Variants in ENTPD5 observed in about 807,000 individuals in gnomAD.
ENTPD5 encodes nucleoside diphosphate phosphatase ENTPD5.
Under a neutral mutation model 60.2 loss-of-function variants are expected in ENTPD5, and 49 were observed. The observed-to-expected ratio is 0.81, with a 90% CI of 0.65 to 1.03. ENTPD5 has a LOEUF of 1.03. Among genes scored for constraint, ENTPD5 ranks in the 50% least tolerant of loss-of-function variants. ENTPD5 has a pLI of 0.00. For missense variants in ENTPD5, 480 were observed against 507.6 expected, an observed-to-expected ratio of 0.95 and a Z score of 0.52; for synonymous variants, 187 against 185.4, an observed-to-expected ratio of 1.01 and a Z score of -0.07.
rs1240455486 is a variant in ENTPD5, at chr14:73,973,963, GT to G, written c.799del (p.Thr267LeufsTer20). 1 of 1,614,148 alleles carries G rather than the reference GT, an allele frequency of 6.2e-7. No individual in the cohort carries two copies. The highest frequency in any genetic ancestry group is 1.1e-5 in the South Asian group (1 of 91,086). ...TCTCGGTAAACAGGCACTCCGGAAA[GT>G]GTGCCCATCAGTCCCTGAAAGAATC... is the stretch of plus-strand genomic sequence containing the variant. ...ALETEGTDGH[T>X]FRSACLPRWL... On this transcript the variant is annotated frameshift_variant, in exon 12 of 16. Coordinates refer to ENST00000334696, the MANE Select transcript of ENTPD5 (RefSeq NM_001249.5). LOFTEE classifies it high-confidence loss of function.
chr14:73,955,379 C>T (rs1227768382), downstream of ENTPD5: 1 of 1,114,136 alleles, frequency 9.0e-7, no homozygotes, highest in African/African-American at 1.5e-5. Context: ...TCTTACGTAA[C>T]AGGATGGAGG....
In ENTPD5 at chr14:73,963,260, A is replaced by C. The variant is rs2056837209; in HGVS notation, c.*3668T>G. 8.9e-6 allele frequency: 5 copies of C among 562,360 alleles called. No homozygotes were observed. In the South Asian group the frequency reaches 1.3e-4, roughly 15 times the overall value. The allele number at this position is 562,360 out of a possible 1,614,324, so 34.8% of individuals were successfully genotyped here. A position where few individuals can be genotyped will look rare whatever the true frequency, so the allele number is the denominator to read the frequency against. On this transcript the variant is annotated 3_prime_UTR_variant, in exon 16 of 16. Transcript: ENST00000334696. ...TTGAAAAGAGCTTTTTATTACTAAA[A>C]AACCCACAAGGTGCTGTCTCACTCA...
At chr14:73,976,274 G>A in intron 9 of ENTPD5, 50 bp downstream of exon 9, 1 of 1,517,120 alleles carries the variant, frequency 6.6e-7, no homozygotes, top group East Asian at 2.3e-5. Flanking sequence ...TTGGCACCAT[G>A]ATACGCCTGC....
rs563361054 is a variant in ENTPD5 at position 73,990,827 on chromosome 14, G to A, written c.-70-2655C>T. ...GTGGATCATGTAAGGTCAGGAGTTC[G>A]AGACCAGCATGACCAATATGGTAAA... On this transcript the variant is annotated intron_variant, in intron 3 of 15. Transcript: ENST00000334696. Among the ~76,000 whole-genome samples the A allele has an allele frequency of 4.1e-4, 62 of 151,818 alleles. 2 individuals are homozygous for A. The highest frequency in any genetic ancestry group is 3.4e-3 in the Middle Eastern group (1 of 290).
chr14:74,002,793 T>C (rs1244487936), intron 3 of ENTPD5, among the ~76,000 whole-genome samples: 1 of 152,180 alleles, frequency 6.6e-6, no homozygotes, highest in East Asian at 1.9e-4. Flanking sequence ...AATTAGAGTA[T>C]GTCTCTGTTT....
chr14:73,980,270 T>A (rs2057627572), intron 6 of ENTPD5, among the ~76,000 whole-genome samples: 1 of 132,846 alleles, frequency 7.5e-6, no homozygotes, highest in Admixed American at 7.3e-5. Flanking sequence ...AGTTTCAATC[T>A]TTTTTTTTTT....
intron 3 of ENTPD5, chr14:73,996,064 G>C (rs2058332492): frequency 1.2e-6 from 1 of 847,368 alleles, no homozygotes. Context: ...GGAAGCCTGA[G>C]AGACCACAAT....
intron 3 of ENTPD5, among the ~76,000 whole-genome samples, chr14:73,991,426 T>C (rs1354462993): frequency 1.3e-5 from 2 of 151,742 alleles, no homozygotes; most frequent in African/African-American, 4.8e-5. Context: ...CCGTCTCTAC[T>C]AAAATACAAA....
At chr14:73,960,959 C>G, downstream of ENTPD5, 1 of 650,834 alleles carries the variant, frequency 1.5e-6, no homozygotes, top group South Asian at 1.8e-5. Context: ...TAGGCAGGGG[C>G]CAGCTCATGT....
chr14:73,986,687 G>A, intron 5 of ENTPD5, 127 bp downstream of exon 5: 1 of 717,432 alleles, frequency 1.4e-6, no homozygotes, highest in South Asian at 1.8e-5. Flanking sequence ...GATTAGCTGA[G>A]GAGAGAAAGC....
At chr14:73,956,484 AAGGGTTCC>A (rs2140384882), downstream of ENTPD5, 1 of 156,284 alleles carries the variant, frequency 6.4e-6, no homozygotes, top group South Asian at 1.9e-4. Context: ...ACCAGTCTAT[AAGGGTTCC>A]AGTTTCTCCA....
At chr14:74,018,050 C>T (rs1393919180) in intron 1 of ENTPD5, among the ~76,000 whole-genome samples, 2 of 150,724 alleles carry the variant, frequency 1.3e-5, no homozygotes, top group Admixed American at 1.3e-4. Context: ...GGTGTGGTGG[C>T]ATGCACCTGT....
intron 3 of ENTPD5, among the ~76,000 whole-genome samples, chr14:74,007,224 G>C (rs2058704300): frequency 6.6e-6 from 1 of 151,958 alleles, no homozygotes; most frequent in African/African-American, 2.4e-5. Context: ...CTGTCTCTTA[G>C]AAAAAAATTA....
At chr14:74,003,583 G>A (rs528998621) in intron 3 of ENTPD5, 2 of 596,096 alleles carry the variant, frequency 3.4e-6, no homozygotes, top group Non-Finnish European at 3.1e-6. Context: ...TGTAGAGCTT[G>A]TCTCAATGGA....
intron 3 of ENTPD5, among the ~76,000 whole-genome samples, chr14:73,991,866 T>A (rs1048015987): frequency 6.7e-6 from 1 of 149,364 alleles, no homozygotes; most frequent in Non-Finnish European, 1.5e-5. Context: ...AATTTTTTTT[T>A]AAATAGCCTG....
intron 9 of ENTPD5, 66 bp downstream of exon 9, chr14:73,976,258 T>C: frequency 7.0e-7 from 1 of 1,424,264 alleles, no homozygotes; most frequent in South Asian, 1.2e-5. Flanking sequence ...ATGGGGCGCC[T>C]CTTTCTTGGC....
intron 14 of ENTPD5, among the ~76,000 whole-genome samples, chr14:73,970,383 T>C (rs1194453148): frequency 6.6e-6 from 1 of 151,806 alleles, no homozygotes; most frequent in Non-Finnish European, 1.5e-5. Flanking sequence ...TCCCAGCTAC[T>C]CGGGAGGCTG....
At chr14:73,959,495 A>T (rs1331879414), downstream of ENTPD5, 1 of 1,614,116 alleles carries the variant, frequency 6.2e-7, no homozygotes, top group Non-Finnish European at 8.5e-7. Flanking sequence ...ATGAGGAAAA[A>T]TTTGTGGATG....
rs921060884 is a variant in ENTPD5 at position 73,965,747 on chromosome 14, G to C, written c.*1181C>G. Reference sequence around the variant, plus strand: ...AAAAAAAGTGCAAGATAATGAATTTGGGGTAAATAATTCACAGTCAAGAGC... The same window carrying C: ...AAAAAAAGTGCAAGATAATGAATTTCGGGTAAATAATTCACAGTCAAGAGC... On this transcript the variant is annotated 3_prime_UTR_variant, in exon 16 of 16. Transcript: ENST00000334696. 6.6e-6 allele frequency: 1 copy of C among 152,132 alleles called. No individual in the cohort carries two copies. Among genetic ancestry groups the C allele is most frequent in the Non-Finnish European group, 1.5e-5 (1 of 68,042 alleles). 9.4% of individuals were successfully genotyped at this position (152,132 alleles called of 1,614,324 possible).
Sources: allele counts gnomAD v4.1 joint callset (sites outside exome capture counted in the v4.1 genomes callset), GRCh38; gene constraint gnomAD v4.1.1; transcripts MANE v1.5; gene names NCBI Gene and HGNC (gene_info 2026-07-23, HGNC 2026-07-21).